TDRD7: variants seen among roughly 807,000 people sequenced by gnomAD.
TDRD7 encodes tudor domain-containing protein 7.
Under a neutral mutation model 109.8 loss-of-function variants are expected in TDRD7, and 47 were observed. The ratio of observed to expected loss-of-function variants is 0.43; its 90% CI spans 0.34 to 0.55. The LOEUF is 0.55. Among genes scored for constraint, TDRD7 ranks in the 20% least tolerant of loss-of-function variants. The pLI is 0.03. For synonymous variants in TDRD7, 424 were observed against 457.3 expected (o/e 0.93, Z 0.93); for missense variants, 1,164 against 1,319.2 (o/e 0.88, Z 1.82).
At chr9:97,425,151 A>G (rs1827966240) in intron 1 of TDRD7, among the ~76,000 whole-genome samples, 1 of 152,138 alleles carries the variant, frequency 6.6e-6, no homozygotes, top group African/African-American at 2.4e-5. Flanking sequence ...GAATGTCTGT[A>G]TCTTGATTGT....
Position 97,432,075 on chromosome 9 carries a change from G to A in TDRD7, c.400G>A (p.Val134Ile), listed in dbSNP as rs775539832. The stretch of plus-strand genomic sequence containing the variant: ...ACCAGGATTTGCTTCAAATTTTTCT[G>A]TTGGCAAAAAACCTAATCCAGCACC... Reference protein sequence around the residue: ...RQPGFASNFSVGKKPNPAPLR... With the variant: ...RQPGFASNFSIGKKPNPAPLR... The change falls in exon 4 of 17, where the codon GTT (valine) becomes ATT (isoleucine). Residue 134 changes from valine (V) to isoleucine (I), a missense_variant. Physicochemically the swap from Val to Ile is conservative, Grantham distance 29 (BLOSUM62 3). Transcript: ENST00000355295. 1 of 1,613,828 alleles carries A rather than the reference G, an allele frequency of 6.2e-7. No individual in the cohort carries two copies. The highest frequency in any genetic ancestry group is 8.5e-7 in the Non-Finnish European group (1 of 1,179,794).
intron 7 of TDRD7, among the ~76,000 whole-genome samples, chr9:97,464,191 C>T (rs1828781502): frequency 6.6e-6 from 1 of 152,202 alleles, no homozygotes; most frequent in East Asian, 1.9e-4. Flanking sequence ...GTCTCCTCCT[C>T]TCTCCCCTTC....
At chr9:97,434,930 T>C (rs977587183) in intron 4 of TDRD7, among the ~76,000 whole-genome samples, 4 of 152,106 alleles carry the variant, frequency 2.6e-5, no homozygotes, top group Non-Finnish European at 4.4e-5. Context: ...CGACATACTG[T>C]GTGATTTTAT....
chr9:97,488,103 A>G (rs188030049), intron 16 of TDRD7, among the ~76,000 whole-genome samples: 1 of 152,334 alleles, frequency 6.6e-6, no homozygotes, highest in Non-Finnish European at 1.5e-5. Context: ...CTTCCCTTTT[A>G]TCTTTTGTGA....
chr9:97,493,364 T>C (rs1039273826), intron 16 of TDRD7, among the ~76,000 whole-genome samples: 6 of 152,002 alleles, frequency 3.9e-5, no homozygotes, highest in African/African-American at 1.5e-4. Context: ...GCAAGTTCCG[T>C]GATGCCCCCT....
chr9:97,474,696 T>G (rs1388168686), intron 11 of TDRD7, among the ~76,000 whole-genome samples: 1 of 152,188 alleles, frequency 6.6e-6, no homozygotes, highest in Non-Finnish European at 1.5e-5. Context: ...AGTGACTCAT[T>G]TGTATGGATG....
intron 1 of TDRD7, among the ~76,000 whole-genome samples, chr9:97,427,757 ATT>A (rs1167425302): frequency 6.6e-6 from 1 of 152,016 alleles, no homozygotes; most frequent in African/African-American, 2.4e-5. Context: ...TCTCAAATTG[ATT>A]TTTTTATTTA....
Position 97,439,323 on chromosome 9 carries a change from G to A in TDRD7, c.637+5G>A, listed in dbSNP as rs749965368. The stretch of plus-strand genomic sequence containing the variant: ...CCTCTACTAAGGAAATGAGTGGTAT[G>A]TTTTCCAAACATTTTTGAGATACAT... On this transcript the variant is annotated splice_donor_5th_base_variant and intron_variant, in intron 5 of 16. Transcript: ENST00000355295. 6.2e-7 allele frequency: 1 copy of A among 1,600,936 alleles called. No individual in the cohort carries two copies. The highest frequency in any genetic ancestry group is 8.5e-7 in the Non-Finnish European group (1 of 1,177,566).
chr9:97,414,404 C>T lies in TDRD7; in HGVS notation c.-7+2166C>T, dbSNP rs569171342. On this transcript the variant is annotated intron_variant, in intron 1 of 16. Coordinates refer to ENST00000355295, the MANE Select transcript of TDRD7 (RefSeq NM_014290.3). ...GTCATGAGTAAGCAAACTCGGTTTT[C>T]ATTACATATTTGGACCTTATTTCAG... 3.3e-4 allele frequency among the ~76,000 whole-genome samples: 51 copies of T among 152,300 alleles called. No homozygotes were observed. The South Asian group carries it at 9.7e-3, about 29-fold the overall frequency.
chr9:97,432,905 G>A (rs1259898366), intron 4 of TDRD7, among the ~76,000 whole-genome samples: 1 of 152,164 alleles, frequency 6.6e-6, no homozygotes. Context: ...AGTTTTATTA[G>A]AACATGGCCA....
intron 12 of TDRD7, among the ~76,000 whole-genome samples, chr9:97,477,683 A>G (rs756326877): frequency 7.2e-5 from 11 of 152,118 alleles, no homozygotes; most frequent in Non-Finnish European, 1.5e-4. Flanking sequence ...AGCAGATCCT[A>G]TGTTTAATCA....
intron 15 of TDRD7, among the ~76,000 whole-genome samples, chr9:97,486,164 ATGAC>A (rs1829209016): frequency 6.6e-6 from 1 of 152,200 alleles, no homozygotes; most frequent in African/African-American, 2.4e-5. Context: ...GTTCCAGAGA[ATGAC>A]TGACCATGCC....
chr9:97,483,782 T>A (rs1829164930), intron 15 of TDRD7, among the ~76,000 whole-genome samples: 1 of 152,150 alleles, frequency 6.6e-6, no homozygotes, highest in African/African-American at 2.4e-5. Context: ...ATTTTATATG[T>A]GCATATTTAT....
chr9:97,481,662 C>T (rs1829118678), intron 14 of TDRD7, among the ~76,000 whole-genome samples: 1 of 152,190 alleles, frequency 6.6e-6, no homozygotes, highest in Non-Finnish European at 1.5e-5. Flanking sequence ...TGTACAATTA[C>T]ATGCTTAATT....
chr9:97,449,753 C>T (rs1472199483), intron 6 of TDRD7, among the ~76,000 whole-genome samples: 1 of 152,162 alleles, frequency 6.6e-6, no homozygotes, highest in African/African-American at 2.4e-5. Flanking sequence ...AAAGTTTCAA[C>T]CCTCTAATCC....
chr9:97,415,508 A>G (rs1827797302), intron 1 of TDRD7, among the ~76,000 whole-genome samples: 3 of 152,234 alleles, frequency 2.0e-5, no homozygotes, highest in Non-Finnish European at 4.4e-5. Context: ...TAGAGTGAGA[A>G]TTATTTTAGG....
chr9:97,454,263 G>A (rs756540083), intron 6 of TDRD7, among the ~76,000 whole-genome samples: 5 of 152,136 alleles, frequency 3.3e-5, no homozygotes, highest in African/African-American at 9.7e-5. Flanking sequence ...GGTGGATCAC[G>A]AGGTCAGGAG....
chr9:97,429,682 A>C (rs1828067031), intron 2 of TDRD7, among the ~76,000 whole-genome samples: 1 of 152,192 alleles, frequency 6.6e-6, no homozygotes, highest in South Asian at 2.1e-4. Context: ...AGACAGACTT[A>C]AGCCCTCCTT....
chr9:97,413,449 T>G (rs1033263972), intron 1 of TDRD7, among the ~76,000 whole-genome samples: 69 of 152,378 alleles, frequency 4.5e-4, no homozygotes, highest in African/African-American at 1.6e-3. Flanking sequence ...AACCACTGTA[T>G]ATCCTTTGCC....
Sources: allele counts gnomAD v4.1 joint callset (sites outside exome capture counted in the v4.1 genomes callset), GRCh38; gene constraint gnomAD v4.1.1; transcripts MANE v1.5; gene names NCBI Gene and HGNC (gene_info 2026-07-23, HGNC 2026-07-21).